The following NAV2 variants were observed in gnomAD, a reference collection of about 807,000 sequenced individuals.
NAV2 encodes helicase, APC down-regulated 1.
Under a neutral mutation model 223.2 loss-of-function variants are expected in NAV2, and 54 were observed. That is an observed-to-expected ratio of 0.24 (90% CI 0.19 to 0.30). NAV2 has a LOEUF of 0.30. NAV2 is among the 10% of genes least tolerant of loss of function. The probability of loss-of-function intolerance (pLI) is 1.00; values close to 1 mark genes in which losing one functional copy is unlikely to be tolerated. For missense variants in NAV2, 2,806 were observed against 3,147.5 expected (o/e 0.89, Z 2.60); for synonymous variants, 1,279 against 1,239.3 (o/e 1.03, Z -0.67).
Position 20,062,507 on chromosome 11 carries a change from T to G in NAV2, c.4884+148T>G, listed in dbSNP as rs2058769630. On this transcript the variant is annotated intron_variant, in intron 20 of 37. Transcript: ENST00000349880. ...TTAATTAGGGAACAAGATTTAAAAT[T>G]CACAAACAGCTATTAATTATATTAT... 6 of 642,738 alleles carry G rather than the reference T, an allele frequency of 9.3e-6. No homozygotes were observed. In the South Asian group the frequency reaches 1.2e-4, roughly 13 times the overall value. The allele number at this position is 642,738 out of a possible 1,614,324, so 39.8% of individuals were successfully genotyped here.
At chr11:19,579,916 CA>C (rs1400250585) in intron 1 of NAV2, among the ~76,000 whole-genome samples, 1 of 152,174 alleles carries the variant, frequency 6.6e-6, no homozygotes, top group Non-Finnish European at 1.5e-5. Context: ...CCCAGAGGCC[CA>C]GCACGTTAAA....
chr11:19,588,525 C>T (rs1437892974), intron 1 of NAV2, among the ~76,000 whole-genome samples: 3 of 152,138 alleles, frequency 2.0e-5, no homozygotes, highest in Non-Finnish European at 4.4e-5. Context: ...AGATGATAAA[C>T]AAAGTCCTGT....
At chr11:19,954,282 T>C (rs2047644246) in intron 10 of NAV2, among the ~76,000 whole-genome samples, 1 of 152,182 alleles carries the variant, frequency 6.6e-6, no homozygotes, top group African/African-American at 2.4e-5. Context: ...TCTTCCACAG[T>C]GGCTTTTTAG....
intron 1 of NAV2, among the ~76,000 whole-genome samples, chr11:19,466,984 T>TCTAC (rs200910419): frequency 1.6e-5 from 2 of 125,202 alleles, no homozygotes; most frequent in African/African-American, 6.1e-5. Flanking sequence ...TCTCTCTCTC[T>TCTAC]ACACACACAC....
chr11:19,879,395 T>G (rs530664421), intron 4 of NAV2, among the ~76,000 whole-genome samples: 1 of 152,186 alleles, frequency 6.6e-6, no homozygotes, highest in South Asian at 2.1e-4. Context: ...AGCCACGTAT[T>G]TGAGAGTAGG....
chr11:19,484,158 A>ACACC (rs1554945487), intron 1 of NAV2, among the ~76,000 whole-genome samples: 127 of 150,070 alleles, frequency 8.5e-4, no homozygotes, highest in Admixed American at 4.5e-3. Flanking sequence ...ACACACACAC[A>ACACC]CCCCAAGTCT....
chr11:19,700,507 A>G (rs1228228979), intron 1 of NAV2, among the ~76,000 whole-genome samples: 1 of 152,222 alleles, frequency 6.6e-6, no homozygotes, highest in Non-Finnish European at 1.5e-5. Flanking sequence ...AATTAAGCGC[A>G]AACATCTGTG....
chr11:20,020,879 C>G lies in NAV2; in HGVS notation c.2769-15080C>G, dbSNP rs531097005. On this transcript the variant is annotated intron_variant, in intron 11 of 37. Transcript: ENST00000349880. ...CTCTGGCCTGACCCCCTCCTCACCC[C>G]ACTTTGGTTCACCGCTCACTGCTCC... 2.6e-5 allele frequency among the ~76,000 whole-genome samples: 4 copies of G among 152,292 alleles called. No individual in the cohort carries two copies. The South Asian group carries it at 8.3e-4, about 32-fold the overall frequency.
At chr11:19,894,575 A>G (rs2153156583) in intron 6 of NAV2, among the ~76,000 whole-genome samples, 1 of 152,334 alleles carries the variant, frequency 6.6e-6, no homozygotes, top group East Asian at 1.9e-4. Flanking sequence ...ATGCTAGGAC[A>G]GTGACTGACC....
At chr11:19,732,948 G>A (rs1286985105) in intron 1 of NAV2, among the ~76,000 whole-genome samples, 5 of 152,196 alleles carry the variant, frequency 3.3e-5, no homozygotes, top group Non-Finnish European at 7.3e-5. Context: ...GTTAATCAAT[G>A]CCTGCACAAT....
chr11:20,016,624 A>C (rs139593121), intron 11 of NAV2, among the ~76,000 whole-genome samples: 9 of 152,168 alleles, frequency 5.9e-5, no homozygotes, highest in Non-Finnish European at 1.2e-4. Context: ...GTAGGGAGGG[A>C]GGGATCCACA....
At chr11:19,859,907 C>G (rs1422775019) in intron 3 of NAV2, among the ~76,000 whole-genome samples, 4 of 140,248 alleles carry the variant, frequency 2.9e-5, no homozygotes, top group African/African-American at 1.1e-4. Flanking sequence ...GGCGGCTGGC[C>G]GGGCAGAGGG....
intron 1 of NAV2, among the ~76,000 whole-genome samples, chr11:19,473,781 A>C (rs2042035184): frequency 6.6e-6 from 1 of 152,028 alleles, no homozygotes; most frequent in Admixed American, 6.6e-5. Context: ...ATAGTACATA[A>C]CTCTGTCCCT....
intron 3 of NAV2, among the ~76,000 whole-genome samples, chr11:19,860,091 G>T (rs2061641637): frequency 8.0e-6 from 1 of 124,572 alleles, no homozygotes; most frequent in African/African-American, 3.1e-5. Flanking sequence ...CGGGCAGAGG[G>T]GCTCCTCACT....
At chr11:19,728,386 G>A (rs2051434311) in intron 1 of NAV2, among the ~76,000 whole-genome samples, 1 of 152,190 alleles carries the variant, frequency 6.6e-6, no homozygotes. Context: ...GCCTGGAGTG[G>A]CACTTTGGCA....
At chr11:19,349,122 G>A (rs1287122084), upstream of NAV2, among the ~76,000 whole-genome samples, 3 of 152,124 alleles carry the variant, frequency 2.0e-5, no homozygotes, top group African/African-American at 7.2e-5. Flanking sequence ...ACCCACTCTT[G>A]GGTATACAAG....
chr11:19,757,306 G>T (rs901881552), intron 1 of NAV2, among the ~76,000 whole-genome samples: 5 of 152,096 alleles, frequency 3.3e-5, no homozygotes, highest in African/African-American at 9.7e-5. Flanking sequence ...CAACGCGTGT[G>T]TGGAGGCCTA....
chr11:19,351,275 G>A (rs1040291956), intron 1 of NAV2, among the ~76,000 whole-genome samples: 12 of 152,198 alleles, frequency 7.9e-5, no homozygotes, highest in East Asian at 1.9e-4. Context: ...ATTTATAAGC[G>A]TTAACTGAGG....
chr11:19,433,688 G>A (rs946457451), intron 1 of NAV2, among the ~76,000 whole-genome samples: 2 of 152,228 alleles, frequency 1.3e-5, no homozygotes, highest in Non-Finnish European at 2.9e-5. Flanking sequence ...TCCATGGGGA[G>A]TCTCTGATTA....
Sources: gnomAD v4.1 joint callset for allele counts (sites outside exome capture counted in the v4.1 genomes callset) on GRCh38, gnomAD v4.1.1 for gene constraint, MANE v1.5 for transcripts, NCBI Gene and HGNC (gene_info 2026-07-23, HGNC 2026-07-21) for gene names.